AKR1D1: variants seen among roughly 807,000 people sequenced by gnomAD.
AKR1D1 encodes the protein aldo-keto reductase family 1 member D1, also known as delta(4)-3-ketosteroid 5-beta-reductase.
AKR1D1 carries 32 observed loss-of-function variants against 42.6 expected under a neutral mutation model. The observed-to-expected ratio is 0.75, with a 90% CI of 0.57 to 1.01. The LOEUF is 1.01. Ranked by LOEUF, AKR1D1 falls within the 50% of genes least tolerant of loss-of-function variation. The pLI, the probability that AKR1D1 is intolerant of heterozygous loss-of-function variation, is 0.00. For synonymous variants in AKR1D1, 123 were observed against 135.5 expected, an observed-to-expected ratio of 0.91 and a Z score of 0.64; for missense variants, 364 against 402.2, an observed-to-expected ratio of 0.91 and a Z score of 0.81.
At chr7:138,092,892 A>G (rs1794111121) in intron 3 of AKR1D1, among the ~76,000 whole-genome samples, 1 of 152,206 alleles carries the variant, frequency 6.6e-6, no homozygotes, top group Non-Finnish European at 1.5e-5. Flanking sequence ...ATTACTGTAC[A>G]TGACTGGAGA....
chr7:138,087,152 G>C (rs753258490), intron 1 of AKR1D1, among the ~76,000 whole-genome samples: 6 of 152,296 alleles, frequency 3.9e-5, no homozygotes, highest in African/African-American at 9.6e-5. Context: ...CGGCAGGTTA[G>C]GGCCCAGTCT....
chr7:138,093,743 C>T (rs7788077), intron 3 of AKR1D1, among the ~76,000 whole-genome samples: 5,180 of 152,068 alleles, frequency 0.034, 312 homozygotes, highest in African/African-American at 0.12. Context: ...AAGTTGTATC[C>T]ATAGTAAAAA....
intron 1 of AKR1D1, 143 bp from the exon 2 acceptor site, chr7:138,088,458 C>T (rs1793982366): frequency 3.0e-6 from 3 of 1,012,048 alleles, no homozygotes; most frequent in Non-Finnish European, 4.5e-6. Context: ...CTGCTGAACA[C>T]CATCTTCCAA....
At chr7:138,113,930 A>G (rs149745568) in intron 8 of AKR1D1, among the ~76,000 whole-genome samples, 158 bp downstream of exon 8, 3 of 152,268 alleles carry the variant, frequency 2.0e-5, no homozygotes, top group East Asian at 1.9e-4. Context: ...AGGGAAATAC[A>G]TCCACTACAG....
chr7:138,102,459 A>C (rs957560350), intron 4 of AKR1D1, among the ~76,000 whole-genome samples: 5 of 152,038 alleles, frequency 3.3e-5, no homozygotes, highest in Non-Finnish European at 7.4e-5. Context: ...GGTCCCAGCT[A>C]CTCAGGAGGC....
Position 138,076,582 on chromosome 7 carries a change from G to A in AKR1D1, c.64G>A (p.Gly22Arg), listed in dbSNP as rs201065248. ...LSDGNSIPIIGLGTYSEPKST... is the reference protein window; with the variant it reads ...LSDGNSIPIIRLGTYSEPKST... ...TGATGGAAACAGCATTCCCATCATC[G>A]GACTTGGTACCTACTCAGAACCTAA... The change falls in exon 1 of 9, where the codon GGA (glycine) becomes AGA (arginine). Residue 22 changes from glycine to arginine, a missense_variant. Transcript: ENST00000242375. The A allele has an allele frequency of 1.7e-5, 28 of 1,613,344 alleles. No homozygotes were observed. Among genetic ancestry groups the A allele is most frequent in the South Asian group, 6.6e-5 (6 of 91,054 alleles).
chr7:138,105,525 T>TAG, intron 5 of AKR1D1, 96 bp downstream of exon 5: 3 of 1,539,226 alleles, frequency 1.9e-6, no homozygotes. Context: ...GGCTCATGAT[T>TAG]GCTCCACCTA....
chr7:138,090,911 G>A (rs918942099), intron 2 of AKR1D1, among the ~76,000 whole-genome samples: 8 of 152,158 alleles, frequency 5.3e-5, no homozygotes. Context: ...ATCAGTGAAA[G>A]CAAATCTAAA....
intron 1 of AKR1D1, among the ~76,000 whole-genome samples, chr7:138,081,149 G>A (rs1803047966): frequency 6.6e-6 from 1 of 152,130 alleles, no homozygotes; most frequent in African/African-American, 2.4e-5. Context: ...TGAGCTTCCT[G>A]AGCCCTCTTT....
chr7:138,081,813 C>T (rs1803065320), intron 1 of AKR1D1, among the ~76,000 whole-genome samples: 1 of 152,130 alleles, frequency 6.6e-6, no homozygotes, highest in African/African-American at 2.4e-5. Context: ...AACTGCCGAC[C>T]TCAGGTGATT....
At chr7:138,097,800 T>A in intron 3 of AKR1D1, 66 bp from the exon 4 acceptor site, 1 of 1,257,360 alleles carries the variant, frequency 8.0e-7, no homozygotes, top group Non-Finnish European at 1.1e-6. Context: ...GAAGTCTAAA[T>A]TCTATTATTT....
chr7:138,100,699 CTTTTTTT>C lies in AKR1D1; in HGVS notation c.456+2773_456+2779del, dbSNP rs749956421. On this transcript the variant is annotated intron_variant, in intron 4 of 8. Coordinates refer to ENST00000242375, the MANE Select transcript of AKR1D1 (RefSeq NM_005989.4). The stretch of plus-strand genomic sequence containing the variant: ...AAATCCACATTTATAGTCAGAGATT[CTTTTTTT>C]TTTTTTTTTTTTTTTTGAGGCGGAG... Among the ~76,000 whole-genome samples, 5 of 88,392 alleles carry C rather than the reference CTTTTTTT, an allele frequency of 5.7e-5. No homozygotes were observed. The South Asian group carries it at 1.9e-3, about 33-fold the overall frequency. 58.0% of individuals were successfully genotyped at this position (88,392 alleles called of 152,430 possible).
chr7:138,081,728 C>T (rs1803063138), intron 1 of AKR1D1, among the ~76,000 whole-genome samples: 1 of 151,668 alleles, frequency 6.6e-6, no homozygotes, highest in Non-Finnish European at 1.5e-5. Flanking sequence ...AGAGTTTCAC[C>T]AAGATGGCCA....
At chr7:138,098,114 G>C in intron 4 of AKR1D1, 171 bp downstream of exon 4, 1 of 597,610 alleles carries the variant, frequency 1.7e-6, no homozygotes, top group Non-Finnish European at 2.9e-6. Flanking sequence ...CCACTTCTGG[G>C]TACTAAATAA....
chr7:138,098,202 C>A, intron 4 of AKR1D1: 1 of 394,074 alleles, frequency 2.5e-6, no homozygotes, highest in Non-Finnish European at 4.5e-6. Context: ...AAAATATGTT[C>A]TAATATAAAA....
intron 1 of AKR1D1, among the ~76,000 whole-genome samples, chr7:138,082,993 G>A (rs1203396572): frequency 1.3e-5 from 2 of 152,210 alleles, no homozygotes; most frequent in African/African-American, 4.8e-5. Flanking sequence ...CCTCAAGATA[G>A]TGATTTTATT....
chr7:138,106,852 C>T, intron 6 of AKR1D1, 135 bp downstream of exon 6: 1 of 729,222 alleles, frequency 1.4e-6, no homozygotes, highest in East Asian at 2.7e-5. Context: ...TGAATTAGAA[C>T]TTTTCATACT....
intron 1 of AKR1D1, among the ~76,000 whole-genome samples, chr7:138,080,761 C>A (rs140849348): frequency 2.0e-5 from 3 of 151,974 alleles, no homozygotes; most frequent in African/African-American, 7.3e-5. Context: ...TACCATGTAG[C>A]CTCTATTATT....
chr7:138,087,025 G>A (rs765095718), intron 1 of AKR1D1, among the ~76,000 whole-genome samples: 3 of 152,166 alleles, frequency 2.0e-5, no homozygotes, highest in Non-Finnish European at 4.4e-5. Context: ...TCTGAAAAAT[G>A]GTGTCTTACT....
Sources: gnomAD v4.1 joint callset for allele counts (sites outside exome capture counted in the v4.1 genomes callset) on GRCh38, gnomAD v4.1.1 for gene constraint, MANE v1.5 for transcripts, NCBI Gene and HGNC (gene_info 2026-07-23, HGNC 2026-07-21) for gene names.